The following COPS7B variants were observed in gnomAD, a reference collection of about 807,000 sequenced individuals.
COPS7B encodes the protein COP9 signalosome complex subunit 7b.
In COPS7B, 9 loss-of-function variants were observed where a neutral mutation model predicts 33.4. The observed-to-expected ratio is 0.27, with a 90% CI of 0.16 to 0.47. The LOEUF is 0.47. Among genes scored for constraint, COPS7B ranks in the 20% least tolerant of loss-of-function variants. COPS7B has a pLI of 0.99. For synonymous variants in COPS7B, 119 were observed against 126.3 expected (o/e 0.94, Z 0.39); for missense variants, 242 against 318.2 (o/e 0.76, Z 1.82).
At chr2:231,792,868 T>G (rs909302687) in intron 3 of COPS7B, among the ~76,000 whole-genome samples, 2 of 152,218 alleles carry the variant, frequency 1.3e-5, no homozygotes, top group African/African-American at 4.8e-5. Flanking sequence ...GGGCCTTCGC[T>G]GCGATATCCC....
chr2:231,786,411 A>T, upstream of COPS7B: 1 of 984,074 alleles, frequency 1.0e-6, no homozygotes, highest in Non-Finnish European at 1.2e-6. Flanking sequence ...GGGGAGCTGC[A>T]CGGGCGACGG....
intron 6 of COPS7B, among the ~76,000 whole-genome samples, chr2:231,802,768 C>T (rs1169172875): frequency 6.6e-6 from 1 of 152,258 alleles, no homozygotes; most frequent in Non-Finnish European, 1.5e-5. Flanking sequence ...TGCCCAGCTA[C>T]TGGAAGAAGC....
upstream of COPS7B, among the ~76,000 whole-genome samples, chr2:231,785,908 A>G (rs189408224): frequency 3.9e-5 from 6 of 152,336 alleles, no homozygotes; most frequent in East Asian, 1.2e-3. Flanking sequence ...GGTCAAGAAC[A>G]TCGTCTTCGG....
chr2:231,801,647 T>A lies in COPS7B; in HGVS notation c.636+2683T>A, dbSNP rs1026603917. Among the ~76,000 whole-genome samples, 6 of 150,420 alleles carry A rather than the reference T, an allele frequency of 4.0e-5. No individual in the cohort carries two copies. In the South Asian group the frequency reaches 6.3e-4, roughly 16 times the overall value. On this transcript the variant is annotated intron_variant, in intron 6 of 6. Transcript: ENST00000350033. ...TTTCTTTTCTTTTTTTTTTTTTTTT[T>A]AGGGAGAACTGGGTTTTGCTGTATT...
chr2:231,801,102 C>T (rs2049731709), intron 6 of COPS7B: 1 of 1,546,208 alleles, frequency 6.5e-7, no homozygotes, highest in Non-Finnish European at 8.7e-7. Context: ...ATTTTGTCAA[C>T]TGATTGGTGA....
At chr2:231,791,222 G>A (rs181931903) in intron 2 of COPS7B, 69 of 155,666 alleles carry the variant, frequency 4.4e-4, no homozygotes, top group African/African-American at 1.4e-3. Context: ...TGATACCCTG[G>A]TTTTCTGTCC....
rs1306870141 is a variant in COPS7B, at chr2:231,808,144, C to T, written c.*499C>T. On this transcript the variant is annotated 3_prime_UTR_variant, in exon 7 of 7. Transcript: ENST00000350033. The stretch of plus-strand genomic sequence containing the variant: ...GGCGTCAAGATGCGCTGCTTTCCCT[C>T]TCCTGCCTCATCCCTTGTTGGCAGC... 1 of 268,872 alleles carries T rather than the reference C, an allele frequency of 3.7e-6. No individual in the cohort carries two copies. Among genetic ancestry groups the T allele is most frequent in the Non-Finnish European group, 7.3e-6 (1 of 136,700 alleles). 16.7% of individuals were successfully genotyped at this position (268,872 alleles called of 1,614,324 possible). A position where few individuals can be genotyped will look rare whatever the true frequency, so the allele number is the denominator to read the frequency against.
At chr2:231,786,649 C>G (rs942886707) in intron 1 of COPS7B, 111 bp downstream of exon 1, 5 of 399,640 alleles carry the variant, frequency 1.3e-5, no homozygotes, top group Non-Finnish European at 1.7e-5. Context: ...CCGCCCCGCC[C>G]CCGCCTTGGG....
At chr2:231,806,760 A>G (rs2049906218) in intron 6 of COPS7B, among the ~76,000 whole-genome samples, 1 of 152,186 alleles carries the variant, frequency 6.6e-6, no homozygotes, top group Non-Finnish European at 1.5e-5. Context: ...GCTCACTTCT[A>G]GGAGTATCTT....
In COPS7B at chr2:231,795,018, C is replaced by T. The variant is rs1465422912; in HGVS notation, c.327+667C>T. Among the ~76,000 whole-genome samples the T allele has an allele frequency of 5.3e-5, 8 of 151,244 alleles. No individual in the cohort carries two copies. In the East Asian group the frequency reaches 1.2e-3, roughly 22 times the overall value. On this transcript the variant is annotated intron_variant, in intron 4 of 6. Coordinates refer to ENST00000350033, the MANE Select transcript of COPS7B (RefSeq NM_022730.4). The stretch of plus-strand genomic sequence containing the variant: ...TACTGCAACCTCCACCTCCTGGGTT[C>T]AAGTGATTCTCCTGCCTCAGCCTCC...
chr2:231,806,530 A>G (rs1007994756), intron 6 of COPS7B, among the ~76,000 whole-genome samples: 6 of 150,368 alleles, frequency 4.0e-5, no homozygotes, highest in African/African-American at 7.4e-5. Flanking sequence ...TCCATCCTGT[A>G]CAACAGAGTA....
intron 1 of COPS7B, among the ~76,000 whole-genome samples, chr2:231,787,571 GTT>G (rs372377989): frequency 2.1e-5 from 3 of 143,560 alleles, no homozygotes; most frequent in Non-Finnish European, 3.1e-5. Flanking sequence ...TTTTCTTGAG[GTT>G]TTTTTTTTTT....
chr2:231,785,797 T>A (rs2049225401), upstream of COPS7B, among the ~76,000 whole-genome samples: 2 of 152,146 alleles, frequency 1.3e-5, no homozygotes, highest in Non-Finnish European at 2.9e-5. Flanking sequence ...CCCAGGGGAG[T>A]TGGTAAGCAC....
At chr2:231,797,635 A>G (rs1359017031) in intron 5 of COPS7B, among the ~76,000 whole-genome samples, 1 of 152,144 alleles carries the variant, frequency 6.6e-6, no homozygotes, top group East Asian at 1.9e-4. Flanking sequence ...AACTCTTACA[A>G]CTCATGTTTA....
upstream of COPS7B, among the ~76,000 whole-genome samples, chr2:231,785,122 T>C (rs774564312): frequency 6.6e-6 from 1 of 152,214 alleles, no homozygotes; most frequent in East Asian, 1.9e-4. Context: ...CACAATCTCT[T>C]ATCTAGAATA....
chr2:231,799,364 C>T lies in COPS7B; in HGVS notation c.636+400C>T, dbSNP rs1175799053. ...GCAGGGGCATGTGGGGCTTCAAGGCCCTGGGAGTGTTCTGCTTCTTAAGTT... is the reference window on the plus strand; with the variant it reads ...GCAGGGGCATGTGGGGCTTCAAGGCTCTGGGAGTGTTCTGCTTCTTAAGTT... On this transcript the variant is annotated intron_variant, in intron 6 of 6. Transcript: ENST00000350033. 5.3e-5 allele frequency among the ~76,000 whole-genome samples: 8 copies of T among 152,092 alleles called. No homozygotes were observed. The South Asian group carries it at 1.2e-3, about 24-fold the overall frequency.
chr2:231,788,746 G>A lies in COPS7B; in HGVS notation c.162+14G>A. ...AACGTGCAGGAGGTAAGAACGGTTT[G>A]CAAACAATTTCTCTTTATTCTAAGA... On this transcript the variant is annotated intron_variant, in intron 2 of 6. Transcript: ENST00000350033. 1 of 1,605,892 alleles carries A rather than the reference G, an allele frequency of 6.2e-7. No individual in the cohort carries two copies. Among genetic ancestry groups the A allele is most frequent in the South Asian group, 1.1e-5 (1 of 89,698 alleles).
intron 6 of COPS7B, chr2:231,801,137 T>G: frequency 1.3e-6 from 2 of 1,550,532 alleles, no homozygotes; most frequent in Non-Finnish European, 1.7e-6. Context: ...GTCCTTAAAT[T>G]AGATTGCTTG....
intron 6 of COPS7B, chr2:231,801,082 T>C: frequency 1.3e-6 from 2 of 1,515,986 alleles, no homozygotes; most frequent in Non-Finnish European, 9.0e-7. Context: ...GGCCTAACTT[T>C]TAAAAGCCAA....
Sources: gnomAD v4.1 joint callset for allele counts (sites outside exome capture counted in the v4.1 genomes callset) on GRCh38, gnomAD v4.1.1 for gene constraint, MANE v1.5 for transcripts, NCBI Gene and HGNC (gene_info 2026-07-23, HGNC 2026-07-21) for gene names.